Variants in CDH18 observed in about 807,000 individuals in gnomAD.
The protein encoded by CDH18 is cadherin 18.
Under a neutral mutation model 67.9 loss-of-function variants are expected in CDH18, and 31 were observed. That is an observed-to-expected ratio of 0.46 (90% confidence interval 0.34 to 0.62). The LOEUF (loss-of-function observed/expected upper bound fraction) is 0.62, where lower values mean the gene tolerates loss of function less well. Among genes scored for constraint, CDH18 ranks in the 20% least tolerant of loss-of-function variants. CDH18 has a pLI of 0.01. For synonymous variants in CDH18, 362 were observed against 347.2 expected, an observed-to-expected ratio of 1.04 and a Z score of -0.48; for missense variants, 890 against 975.5, an observed-to-expected ratio of 0.91 and a Z score of 1.17.
chr5:19,976,663 A>C (rs1798534986), intron 2 of CDH18, among the ~76,000 whole-genome samples: 1 of 152,156 alleles, frequency 6.6e-6, no homozygotes, highest in Non-Finnish European at 1.5e-5. Flanking sequence ...GATTGGTAGA[A>C]TCCAGAGTGA....
intron 2 of CDH18, among the ~76,000 whole-genome samples, chr5:20,128,964 T>C (rs1332521374): frequency 6.6e-6 from 1 of 152,020 alleles, no homozygotes; most frequent in African/African-American, 2.4e-5. Flanking sequence ...CAGTTAGGTT[T>C]GAAAACAATC....
intron 2 of CDH18, among the ~76,000 whole-genome samples, chr5:20,035,557 G>A (rs1739778582): frequency 6.6e-6 from 1 of 151,858 alleles, no homozygotes; most frequent in Non-Finnish European, 1.5e-5. Flanking sequence ...AAAAGTCCAG[G>A]GGAAAGTGCC....
chr5:20,192,668 T>C (rs1390760978), intron 2 of CDH18, among the ~76,000 whole-genome samples: 2 of 152,086 alleles, frequency 1.3e-5, no homozygotes, highest in South Asian at 2.1e-4. Flanking sequence ...TGTAGACGTG[T>C]AGTGTTATTT....
At chr5:20,061,813 G>T (rs1742510467) in intron 2 of CDH18, among the ~76,000 whole-genome samples, 1 of 152,108 alleles carries the variant, frequency 6.6e-6, no homozygotes. Context: ...GTCTACCTTT[G>T]AAAGTGAATG....
At chr5:20,557,263 G>T (rs1354539120) in intron 1 of CDH18, among the ~76,000 whole-genome samples, 2 of 151,936 alleles carry the variant, frequency 1.3e-5, no homozygotes, top group African/African-American at 4.8e-5. Flanking sequence ...AACAATGCAA[G>T]TTCAACCAAT....
intron 1 of CDH18, among the ~76,000 whole-genome samples, chr5:20,368,051 T>C (rs1469612629): frequency 1.3e-5 from 2 of 152,276 alleles, no homozygotes; most frequent in South Asian, 2.1e-4. Flanking sequence ...AAAAAAAGGA[T>C]TGAGAATTGC....
intron 11 of CDH18, among the ~76,000 whole-genome samples, chr5:19,485,249 C>A (rs1310094632): frequency 2.0e-5 from 3 of 150,450 alleles, no homozygotes; most frequent in African/African-American, 7.4e-5. Flanking sequence ...ACTACATCAG[C>A]TGTCTATTCT....
intron 5 of CDH18, among the ~76,000 whole-genome samples, chr5:19,658,419 G>T (rs2150301987): frequency 6.6e-6 from 1 of 152,134 alleles, no homozygotes; most frequent in Non-Finnish European, 1.5e-5. Context: ...TTTCCAAAAA[G>T]ATCTAGTTTC....
At chr5:20,159,571 T>A (rs1344501222) in intron 2 of CDH18, among the ~76,000 whole-genome samples, 1 of 152,184 alleles carries the variant, frequency 6.6e-6, no homozygotes, top group Admixed American at 6.5e-5. Context: ...ACAGTAATTG[T>A]CAGTCATTTT....
chr5:19,804,218 C>T (rs1451662040), intron 3 of CDH18, among the ~76,000 whole-genome samples: 2 of 151,056 alleles, frequency 1.3e-5, no homozygotes, highest in Admixed American at 6.6e-5. Context: ...AAGAGAATGG[C>T]GTGAAGCCAG....
chr5:19,769,157 C>T (rs1158781941), intron 3 of CDH18, among the ~76,000 whole-genome samples: 1 of 152,006 alleles, frequency 6.6e-6, no homozygotes, highest in Non-Finnish European at 1.5e-5. Flanking sequence ...AGATATAAAG[C>T]CGCAAAACTT....
chr5:19,896,614 C>G (rs1789369100), intron 2 of CDH18, among the ~76,000 whole-genome samples: 1 of 152,168 alleles, frequency 6.6e-6, no homozygotes, highest in Non-Finnish European at 1.5e-5. Flanking sequence ...TTTAGTGATA[C>G]TGACTTTGGA....
intron 2 of CDH18, among the ~76,000 whole-genome samples, chr5:19,950,719 A>C (rs1254466078): frequency 2.0e-5 from 3 of 152,304 alleles, no homozygotes; most frequent in Middle Eastern, 3.4e-3. Context: ...TTTAATTATA[A>C]AATTGAGAAC....
chr5:20,513,758 T>C (rs1018556488), intron 1 of CDH18, among the ~76,000 whole-genome samples: 5 of 134,416 alleles, frequency 3.7e-5, no homozygotes, highest in African/African-American at 1.4e-4. Flanking sequence ...ATTTTTCCCC[T>C]TTATATATTT....
chr5:20,015,105 G>C lies in CDH18; in HGVS notation c.-517-23091C>G, dbSNP rs138350765. 3.0e-3 allele frequency among the ~76,000 whole-genome samples: 457 copies of C among 152,200 alleles called. 3 individuals are homozygous for C. Among genetic ancestry groups the C allele is most frequent in the African/African-American group, 0.01 (427 of 41,556 alleles). On this transcript the variant is annotated intron_variant, in intron 2 of 14. Transcript: ENST00000507958. ...GTAGAATAAGCCAGGGTTTTCTATA[G>C]GGTTTCTAGTAATCTATCTGCATGG... is the stretch of plus-strand genomic sequence containing the variant.
intron 3 of CDH18, among the ~76,000 whole-genome samples, chr5:19,782,382 G>C (rs748234578): frequency 5.9e-5 from 9 of 152,136 alleles, no homozygotes; most frequent in Non-Finnish European, 2.9e-5. Flanking sequence ...GACACGTGGG[G>C]ATTATGGAGA....
At chr5:19,675,451 G>A (rs1441622984) in intron 5 of CDH18, among the ~76,000 whole-genome samples, 1 of 151,962 alleles carries the variant, frequency 6.6e-6, no homozygotes, top group African/African-American at 2.4e-5. Flanking sequence ...CCATTTCAGA[G>A]GCCTCCCCTT....
intron 1 of CDH18, among the ~76,000 whole-genome samples, chr5:20,476,040 T>C (rs937831661): frequency 2.6e-5 from 4 of 152,188 alleles, no homozygotes; most frequent in Admixed American, 2.6e-4. Flanking sequence ...CTACTCTCTG[T>C]CTCTGTGACA....
At chr5:19,683,103 C>CTCTATCTATCTATCTA (rs70950083) in intron 5 of CDH18, among the ~76,000 whole-genome samples, 10,420 of 149,132 alleles carry the variant, frequency 0.07, 476 homozygotes, top group Middle Eastern at 0.11. Flanking sequence ...CAACATATAA[C>CTCTATCTATCTATCTA]TCTATCTATC....
Sources: allele counts gnomAD v4.1 joint callset (sites outside exome capture counted in the v4.1 genomes callset), GRCh38; gene constraint gnomAD v4.1.1; transcripts MANE v1.5; gene names NCBI Gene and HGNC (gene_info 2026-07-23, HGNC 2026-07-21).